Variants in DPP10 observed in about 807,000 individuals in gnomAD.
The protein encoded by DPP10 is dipeptidyl peptidase like 10, also known as inactive dipeptidyl peptidase 10.
In DPP10, 33 loss-of-function variants were observed where a neutral mutation model predicts 120.9. The ratio of observed to expected loss-of-function variants is 0.27; its 90% CI spans 0.21 to 0.37. The LOEUF (loss-of-function observed/expected upper bound fraction) is 0.37. DPP10 is among the 10% of genes least tolerant of loss of function. The pLI, the probability that DPP10 is intolerant of heterozygous loss-of-function variation, is 1.00. For synonymous variants in DPP10, 337 were observed against 326.1 expected (o/e 1.03, Z -0.36); for missense variants, 816 against 942.8 (o/e 0.87, Z 1.76).
At chr2:115,827,570 GTTATTTTTATTT>G (rs1201547638) in intron 21 of DPP10, among the ~76,000 whole-genome samples, 36 of 150,450 alleles carry the variant, frequency 2.4e-4, no homozygotes, top group African/African-American at 8.3e-4. Flanking sequence ...TTAAAAGTCA[GTTATTTTTATTT>G]TTATTTTTAT....
chr2:115,541,634 C>T (rs1317859270), intron 5 of DPP10, among the ~76,000 whole-genome samples: 1 of 151,790 alleles, frequency 6.6e-6, no homozygotes, highest in African/African-American at 2.4e-5. Flanking sequence ...GAATCAAAGG[C>T]TCATGATATT....
In DPP10 at chr2:115,201,834, C is replaced by T. The variant is rs1014774123; in HGVS notation, c.61-107405C>T. Among the ~76,000 whole-genome samples the T allele has an allele frequency of 6.5e-5, 9 of 139,042 alleles. No individual in the cohort carries two copies. The East Asian group carries it at 2.0e-3, about 31-fold the overall frequency. 91.2% of individuals were successfully genotyped at this position (139,042 alleles called of 152,430 possible). A position where few individuals can be genotyped will look rare whatever the true frequency, so the allele number is the denominator to read the frequency against. On this transcript the variant is annotated intron_variant, in intron 1 of 25. Transcript: ENST00000410059. ...TTTTGCAAATTCAGAATTGCTACTT[C>T]CTCAGGAAAACTTGAAGTTAAAAAA...
At chr2:114,588,808 G>T (rs1691210734) in intron 1 of DPP10, among the ~76,000 whole-genome samples, 1 of 152,058 alleles carries the variant, frequency 6.6e-6, no homozygotes, top group Non-Finnish European at 1.5e-5. Flanking sequence ...TGTAGTAAAG[G>T]TCTCCATAAC....
intron 13 of DPP10, among the ~76,000 whole-genome samples, chr2:115,772,022 G>T (rs1243840417): frequency 6.6e-6 from 1 of 150,954 alleles, no homozygotes; most frequent in Non-Finnish European, 1.5e-5. Context: ...TCATTTACAA[G>T]AGCTGTCCTT....
intron 9 of DPP10, among the ~76,000 whole-genome samples, chr2:115,741,471 A>G (rs1057304307): frequency 6.6e-6 from 1 of 150,896 alleles, no homozygotes; most frequent in African/African-American, 2.4e-5. Flanking sequence ...ACAGCATACC[A>G]GCACTATTTT....
At chr2:115,099,841 G>A (rs568939315) in intron 1 of DPP10, among the ~76,000 whole-genome samples, 2 of 152,258 alleles carry the variant, frequency 1.3e-5, no homozygotes, top group South Asian at 4.2e-4. Flanking sequence ...GTGTTGTAGG[G>A]TGTGACAGAG....
chr2:114,961,449 GT>G (rs1698625532), intron 1 of DPP10, among the ~76,000 whole-genome samples: 2 of 47,126 alleles, frequency 4.2e-5, no homozygotes, highest in Non-Finnish European at 1.1e-4. Flanking sequence ...GTTTGAATGC[GT>G]GTGTGTGTGT....
chr2:115,508,671 G>A (rs1386992038), intron 4 of DPP10, among the ~76,000 whole-genome samples: 1 of 152,166 alleles, frequency 6.6e-6, no homozygotes, highest in Non-Finnish European at 1.5e-5. Flanking sequence ...TTGGGAGCCT[G>A]AGGCAGGTGG....
chr2:114,558,409 C>T (rs956259315), intron 1 of DPP10, among the ~76,000 whole-genome samples: 5 of 152,358 alleles, frequency 3.3e-5, no homozygotes, highest in South Asian at 2.1e-4. Context: ...TACTACAAAG[C>T]CCTTCCCAGG....
chr2:114,497,954 C>T (rs556752774), intron 1 of DPP10, among the ~76,000 whole-genome samples: 222 of 152,250 alleles, frequency 1.5e-3, no homozygotes, highest in African/African-American at 4.7e-3. Flanking sequence ...TCTGTACTTC[C>T]GGTCTTCACT....
chr2:115,134,736 G>GA lies in DPP10; in HGVS notation c.61-174494dup, dbSNP rs368566815. ...AGGGTCAGGGGTAAGTGCATTTGTAGAAAAAAAAATGACTGGAAGGAAACA... is the reference window on the plus strand; with the variant it reads ...AGGGTCAGGGGTAAGTGCATTTGTAGAAAAAAAAAATGACTGGAAGGAAACA... On this transcript the variant is annotated intron_variant, in intron 1 of 25. Transcript: ENST00000410059. 4.9e-4 allele frequency among the ~76,000 whole-genome samples: 73 copies of GA among 150,354 alleles called. 2 individuals carry two copies. In the East Asian group the frequency reaches 9.3e-3, roughly 19 times the overall value.
chr2:115,055,855 T>C (rs1173760760), intron 1 of DPP10, among the ~76,000 whole-genome samples: 1 of 152,212 alleles, frequency 6.6e-6, no homozygotes, highest in Admixed American at 6.5e-5. Context: ...TAGAGTTTCC[T>C]GTCATATAAA....
intron 1 of DPP10, among the ~76,000 whole-genome samples, chr2:115,244,027 G>A (rs1559302594): frequency 6.6e-6 from 1 of 150,872 alleles, no homozygotes; most frequent in African/African-American, 2.4e-5. Context: ...CCTTTTTTAT[G>A]TGTTTGCTAT....
intron 1 of DPP10, among the ~76,000 whole-genome samples, chr2:114,486,702 G>C (rs1023556894): frequency 2.6e-5 from 4 of 151,902 alleles, no homozygotes; most frequent in African/African-American, 9.7e-5. Context: ...TTTCTTTTCA[G>C]TGAAACTATA....
intron 1 of DPP10, among the ~76,000 whole-genome samples, chr2:115,242,658 C>G (rs957868528): frequency 6.6e-6 from 1 of 150,784 alleles, no homozygotes; most frequent in African/African-American, 2.4e-5. Context: ...TTCACCACAT[C>G]CATGCCAACA....
intron 1 of DPP10, among the ~76,000 whole-genome samples, chr2:115,288,881 A>C (rs2060519615): frequency 6.6e-6 from 1 of 151,922 alleles, no homozygotes; most frequent in Non-Finnish European, 1.5e-5. Context: ...TAAGAACTGG[A>C]CTAAGACAAG....
intron 3 of DPP10, among the ~76,000 whole-genome samples, chr2:115,483,463 C>T (rs1558734387): frequency 2.2e-5 from 2 of 89,494 alleles, no homozygotes; most frequent in African/African-American, 8.8e-5. Context: ...ATCTATCTAT[C>T]TATCTATCTA....
chr2:114,658,172 C>A (rs575802142), intron 1 of DPP10, among the ~76,000 whole-genome samples: 1 of 152,208 alleles, frequency 6.6e-6, no homozygotes, highest in East Asian at 1.9e-4. Context: ...AAGGGGGTAA[C>A]AAGGCGTTCA....
intron 5 of DPP10, among the ~76,000 whole-genome samples, chr2:115,601,034 A>C (rs188776980): frequency 5.3e-5 from 8 of 152,136 alleles, no homozygotes; most frequent in African/African-American, 1.9e-4. Context: ...ATTTATGCCT[A>C]TTCACCTGCT....
Sources: allele counts gnomAD v4.1 joint callset (sites outside exome capture counted in the v4.1 genomes callset), GRCh38; gene constraint gnomAD v4.1.1; transcripts MANE v1.5; gene names NCBI Gene and HGNC (gene_info 2026-07-23, HGNC 2026-07-21).